CLIP4: variants seen among roughly 807,000 people sequenced by gnomAD.
CLIP4 encodes the protein CAP-Gly domain-containing linker protein 4.
CLIP4 carries 47 observed loss-of-function variants against 73.1 expected under a neutral mutation model. That is an observed-to-expected ratio of 0.64 (90% CI 0.51 to 0.82). CLIP4 has a LOEUF of 0.82. CLIP4 is among the 40% of genes least tolerant of loss of function. The pLI is 0.00. For missense variants in CLIP4, 874 were observed against 852.9 expected (o/e 1.02, Z -0.31); for synonymous variants, 306 against 295.4 (o/e 1.04, Z -0.37).
rs76586773 is a variant in CLIP4 at position 29,151,391 on chromosome 2, C to T, written c.1022-1294C>T. ...CGACACTGGTTGTAATCATCATCAT[C>T]GTCGTCATTATCACCAGGCTTGAGA... On this transcript the variant is annotated intron_variant, in intron 8 of 15. Coordinates refer to ENST00000320081, the MANE Select transcript of CLIP4 (RefSeq NM_024692.6). Among the ~76,000 whole-genome samples the T allele has an allele frequency of 2.1e-3, 313 of 152,014 alleles. 3 individuals are homozygous for T. Among genetic ancestry groups the T allele is most frequent in the East Asian group, 8.9e-3 (46 of 5,186 alleles).
At chr2:29,111,213 C>G (rs2148442331), upstream of CLIP4, among the ~76,000 whole-genome samples, 1 of 152,354 alleles carries the variant, frequency 6.6e-6, no homozygotes, top group South Asian at 2.1e-4. Flanking sequence ...AGCAGTGCAT[C>G]TTTCCCCAGA....
chr2:29,135,743 A>C, intron 6 of CLIP4, 77 bp downstream of exon 6: 1 of 990,258 alleles, frequency 1.0e-6, no homozygotes, highest in Non-Finnish European at 1.5e-6. Flanking sequence ...TTGAATCTGA[A>C]TGTTATTAAT....
chr2:29,138,456 T>G (rs1665528246), intron 6 of CLIP4, among the ~76,000 whole-genome samples: 1 of 152,090 alleles, frequency 6.6e-6, no homozygotes, highest in African/African-American at 2.4e-5. Flanking sequence ...GCTTCTGTTC[T>G]TTCTGCTTAG....
At position 29,178,967 on chromosome 2, in the gene CLIP4, G is replaced by C. The variant is rs111406133; in HGVS notation, c.1797-2605G>C. Among the ~76,000 whole-genome samples, 765 of 152,218 alleles carry C rather than the reference G, an allele frequency of 5.0e-3. 1 individual carries two copies. The highest frequency in any genetic ancestry group is 0.017 in the African/African-American group (715 of 41,516). ...CTGCCACTGTGCCCTTCTAAGTTTT[G>C]TATTTTTTGTACAGCCAGGGTTTCA... On this transcript the variant is annotated intron_variant, in intron 15 of 15. Transcript: ENST00000320081.
At chr2:29,102,273 A>G (rs926897676) in intron 1 of CLIP4, among the ~76,000 whole-genome samples, 1 of 152,208 alleles carries the variant, frequency 6.6e-6, no homozygotes, top group Non-Finnish European at 1.5e-5. Context: ...CTCTAGATTT[A>G]CATGGAATTG....
chr2:29,122,784 TCACTG>T (rs1664345790), intron 2 of CLIP4, among the ~76,000 whole-genome samples: 1 of 119,748 alleles, frequency 8.4e-6, no homozygotes, highest in Non-Finnish European at 1.6e-5. Flanking sequence ...TGAGATCGCA[TCACTG>T]CACTCCAGCC....
chr2:29,177,746 TAC>T (rs946563443), intron 15 of CLIP4, among the ~76,000 whole-genome samples: 11 of 152,240 alleles, frequency 7.2e-5, no homozygotes, highest in African/African-American at 2.4e-4. Flanking sequence ...CTGTACTGTA[TAC>T]AGTCTTTATT....
At chr2:29,133,971 A>G (rs1221038297) in intron 5 of CLIP4, among the ~76,000 whole-genome samples, 155 bp downstream of exon 5, 1 of 152,094 alleles carries the variant, frequency 6.6e-6, no homozygotes, top group Non-Finnish European at 1.5e-5. Context: ...AAATTTCTTT[A>G]TTGAGTATTA....
chr2:29,105,972 C>T (rs1019476823), intron 1 of CLIP4, among the ~76,000 whole-genome samples: 8 of 152,130 alleles, frequency 5.3e-5, no homozygotes, highest in South Asian at 2.1e-4. Flanking sequence ...ACAGGCTCTT[C>T]GATTACCATC....
At chr2:29,168,705 G>A (rs913584732) in intron 14 of CLIP4, among the ~76,000 whole-genome samples, 5 of 151,446 alleles carry the variant, frequency 3.3e-5, no homozygotes, top group Admixed American at 6.6e-5. Context: ...TGTATTTTTA[G>A]TAGAGACGGG....
At position 29,143,697 on chromosome 2, in the gene CLIP4, C is replaced by A. The variant is rs1378053221; in HGVS notation, c.649-12C>A. The A allele has an allele frequency of 3.2e-6, 5 of 1,569,936 alleles. No individual in the cohort carries two copies. The highest frequency in any genetic ancestry group is 4.4e-6 in the Non-Finnish European group (5 of 1,141,176). On this transcript the variant is annotated splice_polypyrimidine_tract_variant and intron_variant, in intron 6 of 15. Coordinates refer to ENST00000320081, the MANE Select transcript of CLIP4 (RefSeq NM_024692.6). ...TAAGAGTTGAACATTTTTCTCTTATCTTTATTTGTAGAATGACAAAGGACA... is the reference window on the plus strand; with the variant it reads ...TAAGAGTTGAACATTTTTCTCTTATATTTATTTGTAGAATGACAAAGGACA...
chr2:29,133,937 C>T (rs754251257), intron 5 of CLIP4, 121 bp downstream of exon 5: 5 of 766,208 alleles, frequency 6.5e-6, no homozygotes, highest in Non-Finnish European at 8.0e-6. Flanking sequence ...CCTTTCTACT[C>T]CATTTTATTT....
At chr2:29,172,620 C>A (rs1668083382) in intron 14 of CLIP4, among the ~76,000 whole-genome samples, 1 of 151,918 alleles carries the variant, frequency 6.6e-6, no homozygotes, top group Non-Finnish European at 1.5e-5. Context: ...TTGATCAATT[C>A]TTTACAATTC....
intron 6 of CLIP4, among the ~76,000 whole-genome samples, chr2:29,138,365 TA>T (rs1478164657): frequency 3.9e-5 from 6 of 152,134 alleles, no homozygotes; most frequent in African/African-American, 1.4e-4. Context: ...TCTATATGTC[TA>T]TTTTTTTTAG....
chr2:29,160,147 A>C (rs772145854), intron 11 of CLIP4, among the ~76,000 whole-genome samples, 186 bp from the exon 12 acceptor site: 4 of 152,250 alleles, frequency 2.6e-5, no homozygotes, highest in Non-Finnish European at 5.9e-5. Context: ...TTGACCTCAC[A>C]TGTGAGAAAC....
At chr2:29,160,641 T>C (rs529370009) in intron 12 of CLIP4, among the ~76,000 whole-genome samples, 174 bp downstream of exon 12, 1 of 152,360 alleles carries the variant, frequency 6.6e-6, no homozygotes, top group African/African-American at 2.4e-5. Context: ...TTTACTCACG[T>C]GGATGGTTAC....
chr2:29,130,265 C>A (rs1395148001), intron 2 of CLIP4, among the ~76,000 whole-genome samples: 2 of 152,148 alleles, frequency 1.3e-5, no homozygotes, highest in African/African-American at 2.4e-5. Context: ...AAAGAAAATT[C>A]AGGGTGCTTT....
At chr2:29,157,696 A>C (rs1416921035) in intron 11 of CLIP4, among the ~76,000 whole-genome samples, 7 of 152,206 alleles carry the variant, frequency 4.6e-5, no homozygotes, top group Non-Finnish European at 1.0e-4. Context: ...AAAACCTAGG[A>C]GAAGGTCAGA....
chr2:29,104,257 A>G (rs1275588931), intron 1 of CLIP4, among the ~76,000 whole-genome samples: 1 of 151,474 alleles, frequency 6.6e-6, no homozygotes, highest in Non-Finnish European at 1.5e-5. Flanking sequence ...CACAGACCAA[A>G]TCTCTTTTCT....
Sources: gnomAD v4.1 joint callset for allele counts (sites outside exome capture counted in the v4.1 genomes callset) on GRCh38, gnomAD v4.1.1 for gene constraint, MANE v1.5 for transcripts, NCBI Gene and HGNC (gene_info 2026-07-23, HGNC 2026-07-21) for gene names.